The following DCHS2 variants were observed in gnomAD, a reference collection of about 807,000 sequenced individuals.
DCHS2 encodes protocadherin-23.
DCHS2 carries 142 observed loss-of-function variants against 182.4 expected under a neutral mutation model. That is an observed-to-expected ratio of 0.78 (90% CI 0.68 to 0.89). DCHS2 has a LOEUF of 0.89. DCHS2 is among the 40% of genes least tolerant of loss of function. The pLI is 0.00. For missense variants in DCHS2, 4,319 were observed against 4,198.6 expected (o/e 1.03, Z -0.79); for synonymous variants, 1,740 against 1,663.3 (o/e 1.05, Z -1.12).
At chr4:154,437,418 C>T (rs757396976) in intron 1 of DCHS2, among the ~76,000 whole-genome samples, 2 of 152,180 alleles carry the variant, frequency 1.3e-5, no homozygotes, top group Admixed American at 6.5e-5. Context: ...AAGCCTAAAA[C>T]AAAACAAGCC....
chr4:154,371,126 A>T (rs1237489566), intron 2 of DCHS2, among the ~76,000 whole-genome samples: 1 of 152,066 alleles, frequency 6.6e-6, no homozygotes, highest in Non-Finnish European at 1.5e-5. Context: ...TCCCAGAATG[A>T]TGAGGAAACT....
At chr4:154,329,189 G>C (rs1340014712) in intron 6 of DCHS2, among the ~76,000 whole-genome samples, 1 of 152,122 alleles carries the variant, frequency 6.6e-6, no homozygotes, top group Non-Finnish European at 1.5e-5. Flanking sequence ...TTGCCGTTAA[G>C]AAGCTCTGCA....
In DCHS2 at chr4:154,282,701, G is replaced by T. The variant is rs1578908098; in HGVS notation, c.6464-12688C>A. Among the ~76,000 whole-genome samples the T allele has an allele frequency of 3.3e-5, 5 of 151,964 alleles. No individual in the cohort carries two copies. In the South Asian group the frequency reaches 1.0e-3, roughly 32 times the overall value. On this transcript the variant is annotated intron_variant, in intron 13 of 19. Coordinates refer to ENST00000357232, the MANE Select transcript of DCHS2 (RefSeq NM_001358235.2). ...ATATATCCCCAAGAATTGAAAACAG[G>T]ATCTCAAAGGGATATTAGCATACTC...
chr4:154,485,333 T>C (rs1290135825), intron 1 of DCHS2, among the ~76,000 whole-genome samples: 1 of 152,202 alleles, frequency 6.6e-6, no homozygotes, highest in African/African-American at 2.4e-5. Context: ...TCCAAAATGC[T>C]TCAGAGAGCA....
intron 1 of DCHS2, among the ~76,000 whole-genome samples, chr4:154,415,009 T>G (rs2110900208): frequency 6.6e-6 from 1 of 152,338 alleles, no homozygotes; most frequent in South Asian, 2.1e-4. Flanking sequence ...CATGTGGGTA[T>G]GGCAAAAGGT....
intron 1 of DCHS2, among the ~76,000 whole-genome samples, chr4:154,457,813 G>A (rs1734834092): frequency 1.3e-5 from 2 of 152,074 alleles, no homozygotes; most frequent in South Asian, 2.1e-4. Flanking sequence ...CAGTACACCT[G>A]GGGGGAGCAC....
intron 7 of DCHS2, among the ~76,000 whole-genome samples, chr4:154,326,966 T>C (rs1334657650): frequency 6.6e-6 from 1 of 152,200 alleles, no homozygotes; most frequent in Non-Finnish European, 1.5e-5. Context: ...GATATTTTTG[T>C]TAAGAATTGT....
intron 3 of DCHS2, among the ~76,000 whole-genome samples, chr4:154,354,206 G>A (rs1442226072): frequency 6.6e-6 from 1 of 152,218 alleles, no homozygotes; most frequent in Non-Finnish European, 1.5e-5. Context: ...GATTACAGGT[G>A]TGAGCCACTG....
intron 1 of DCHS2, among the ~76,000 whole-genome samples, chr4:154,427,314 C>T (rs1044586972): frequency 6.6e-5 from 10 of 152,188 alleles, no homozygotes; most frequent in African/African-American, 2.4e-4. Flanking sequence ...GCTCTTGTAC[C>T]ACCACAGAGT....
intron 8 of DCHS2, 83 bp from the exon 9 acceptor site, chr4:154,321,305 G>A: frequency 7.5e-7 from 1 of 1,329,116 alleles, no homozygotes; most frequent in Non-Finnish European, 9.8e-7. Context: ...TATTTTGAAA[G>A]CAAATTCCTT....
At chr4:154,395,256 A>T (rs551801860) in intron 1 of DCHS2, among the ~76,000 whole-genome samples, 1 of 152,312 alleles carries the variant, frequency 6.6e-6, no homozygotes, top group African/African-American at 2.4e-5. Context: ...TTATTTAAAC[A>T]CTGAACACCT....
rs375148939 is a variant in DCHS2 at position 154,328,103 on chromosome 4, T to C, written c.4008A>G (p.Ser1336=). 1.8e-5 allele frequency: 29 copies of C among 1,598,900 alleles called. No homozygotes were observed. Among genetic ancestry groups the C allele is most frequent in the Non-Finnish European group, 2.3e-5 (27 of 1,172,796 alleles). The change falls in exon 7 of 20, where the codon TCA becomes TCG. Residue 1336 remains serine, a synonymous_variant. Transcript: ENST00000357232. ...DEGNNAEVTY[S]VSSEDSSDHF... is the part of the protein sequence containing the mutation. ...AACAGTAAGTTTTACCTGAAGATAC[T>C]GAGTATGTAACTTCTGCATTATTTC... is the stretch of plus-strand genomic sequence containing the variant.
chr4:154,237,318 T>C (rs1731579727), intron 19 of DCHS2, 159 bp from the exon 20 acceptor site: 3 of 1,008,532 alleles, frequency 3.0e-6, no homozygotes, highest in Non-Finnish European at 4.1e-6. Flanking sequence ...ATACAAATTA[T>C]TGTATTTATA....
At position 154,329,818 on chromosome 4, in the gene DCHS2, G is replaced by A. The variant is rs1390566301; in HGVS notation, c.3731-108C>T. 6.3e-6 allele frequency: 6 copies of A among 956,262 alleles called. No homozygotes were observed. In the South Asian group the frequency reaches 6.5e-5, roughly 10 times the overall value. The allele number at this position is 956,262 out of a possible 1,614,324, so 59.2% of individuals were successfully genotyped here. ...AGTACAAAGCTTTGAGCAAATATGC[G>A]ACTTCTAAGACCATCTACATAGTAG... On this transcript the variant is annotated intron_variant, in intron 5 of 19. Coordinates refer to ENST00000357232, the MANE Select transcript of DCHS2 (RefSeq NM_001358235.2).
intron 1 of DCHS2, among the ~76,000 whole-genome samples, chr4:154,450,229 C>G (rs1734477531): frequency 6.6e-6 from 1 of 152,158 alleles, no homozygotes; most frequent in African/African-American, 2.4e-5. Context: ...GGGCTGCAGT[C>G]TCCCAAAGTT....
chr4:154,366,211 T>A lies in DCHS2; in HGVS notation c.2475A>T (p.Thr825=), dbSNP rs1730344981. 2 of 1,609,234 alleles carry A rather than the reference T, an allele frequency of 1.2e-6. No homozygotes were observed. The change falls in exon 3 of 20, where the codon ACA becomes ACT. Residue 825 remains threonine, a splice_region_variant and synonymous_variant. Transcript: ENST00000357232. ...GAAAACTGTTCCAAGATCACATACC[T>A]GTGGTGGAGTCAATGGTAAAAAGGG... The part of the protein sequence containing the change: ...VSSLFTIDST[T]GIIYLTLPLS...
chr4:154,315,874 C>G lies in DCHS2; in HGVS notation c.5134G>C (p.Val1712Leu), dbSNP rs1561035521. 3.1e-6 allele frequency: 5 copies of G among 1,613,992 alleles called. No homozygotes were observed. The highest frequency in any genetic ancestry group is 4.2e-6 in the Non-Finnish European group (5 of 1,179,962). Residue 1712 changes from valine to leucine, a missense_variant, in exon 10 of 20, where the codon GTT (valine) becomes CTT (leucine). Transcript: ENST00000357232. ...TCATCATTTACATCAAGAACAGTAA[C>G]TGTCAAAGTCTGGGATGAAGAAAGT... Reference protein sequence around the residue: ...PALSSSQTLTVTVLDVNDEAP... With the variant: ...PALSSSQTLTLTVLDVNDEAP...
intron 3 of DCHS2, among the ~76,000 whole-genome samples, chr4:154,338,859 A>G (rs1219619792): frequency 6.6e-6 from 1 of 152,230 alleles, no homozygotes; most frequent in Non-Finnish European, 1.5e-5. Flanking sequence ...ATTGTGCTTG[A>G]AAAAATAATG....
rs149485549 is a variant in DCHS2, at chr4:154,311,168, C to T, written c.5260+4580G>A. Among the ~76,000 whole-genome samples the T allele has an allele frequency of 2.0e-3, 302 of 152,254 alleles. 1 individual carries two copies. Among genetic ancestry groups the T allele is most frequent in the African/African-American group, 6.8e-3 (284 of 41,544 alleles). On this transcript the variant is annotated intron_variant, in intron 10 of 19. Coordinates refer to ENST00000357232, the MANE Select transcript of DCHS2 (RefSeq NM_001358235.2). ...GATAAAATTTTATCCTCCTCTTCCT[C>T]AAACTATGGGGATTTAATAAAGAAT...
Sources: allele counts gnomAD v4.1 joint callset (sites outside exome capture counted in the v4.1 genomes callset), GRCh38; gene constraint gnomAD v4.1.1; transcripts MANE v1.5; gene names NCBI Gene and HGNC (gene_info 2026-07-23, HGNC 2026-07-21).